GRIA4: variants seen among roughly 807,000 people sequenced by gnomAD.
GRIA4 encodes the protein glutamate ionotropic receptor AMPA type subunit 4.
A neutral mutation model predicts 104.0 loss-of-function variants in GRIA4; 34 were observed. The observed-to-expected ratio is 0.33, with a 90% confidence interval of 0.25 to 0.44. GRIA4 has a LOEUF of 0.44. GRIA4 is among the 20% of genes least tolerant of loss of function. GRIA4 has a pLI of 1.00. For synonymous variants in GRIA4, 386 were observed against 381.9 expected (o/e 1.01, Z -0.13); for missense variants, 750 against 1,096.5 (o/e 0.68, Z 4.46).
At chr11:105,722,061 C>T (rs1457195611) in intron 3 of GRIA4, among the ~76,000 whole-genome samples, 3 of 152,092 alleles carry the variant, frequency 2.0e-5, no homozygotes, top group Non-Finnish European at 2.9e-5. Context: ...TGTTCTCTTT[C>T]CTAATTTGAA....
rs1458378550 is a variant in GRIA4 at position 105,981,365 on chromosome 11, CCAAAGCCATG to C, written c.*1629_*1638del. 6.6e-6 allele frequency: 1 copy of C among 152,360 alleles called. No homozygotes were observed. Among genetic ancestry groups the C allele is most frequent in the Non-Finnish European group, 1.5e-5 (1 of 67,998 alleles). The allele number at this position is 152,360 out of a possible 1,614,324, so 9.4% of individuals were successfully genotyped here. A position where few individuals can be genotyped will look rare whatever the true frequency, so the allele number is the denominator to read the frequency against. ...AAGAGCCATATGAGTGAGCAGTGGC[CCAAAGCCATG>C]CACATCAGTGGCTCATTTAAGGAAT... On this transcript the variant is annotated 3_prime_UTR_variant, in exon 17 of 17. Transcript: ENST00000282499.
At chr11:105,968,137 A>C (rs1265931039) in intron 14 of GRIA4, among the ~76,000 whole-genome samples, 2 of 152,212 alleles carry the variant, frequency 1.3e-5, no homozygotes, top group African/African-American at 4.8e-5. Flanking sequence ...CTGACCTTCA[A>C]ATACAGAATC....
intron 4 of GRIA4, among the ~76,000 whole-genome samples, chr11:105,811,220 G>A (rs1331157283): frequency 2.0e-5 from 3 of 152,150 alleles, no homozygotes; most frequent in South Asian, 4.1e-4. Flanking sequence ...ACTGAGATTC[G>A]AGGGTAAGGA....
chr11:105,806,689 C>T (rs1037745159), intron 4 of GRIA4, among the ~76,000 whole-genome samples: 6 of 151,582 alleles, frequency 4.0e-5, no homozygotes, highest in African/African-American at 1.2e-4. Flanking sequence ...TTCTAGTGAG[C>T]TTTTTAGTGC....
chr11:105,675,547 C>T (rs1030818699), intron 3 of GRIA4, among the ~76,000 whole-genome samples: 1 of 151,748 alleles, frequency 6.6e-6, no homozygotes, highest in Non-Finnish European at 1.5e-5. Flanking sequence ...TCTCAGGTGT[C>T]ATATTGCTCC....
chr11:105,629,739 C>A (rs1950983767), intron 3 of GRIA4, among the ~76,000 whole-genome samples: 1 of 152,138 alleles, frequency 6.6e-6, no homozygotes, highest in Admixed American at 6.5e-5. Context: ...TCCAAAGGAA[C>A]AGATAAACTA....
At chr11:105,948,699 G>A (rs1344925596) in intron 14 of GRIA4, among the ~76,000 whole-genome samples, 1 of 147,398 alleles carries the variant, frequency 6.8e-6, no homozygotes, top group Non-Finnish European at 1.5e-5. Context: ...TCCGCCTCCC[G>A]GGTGCAAGCG....
intron 14 of GRIA4, among the ~76,000 whole-genome samples, chr11:105,938,404 C>T (rs554353027): frequency 2.8e-4 from 42 of 152,200 alleles, no homozygotes; most frequent in African/African-American, 9.9e-4. Context: ...ACTAGAAAAA[C>T]GTAAACGTAC....
chr11:105,755,884 GCCATCCAT>G (rs1565520756), intron 4 of GRIA4, among the ~76,000 whole-genome samples: 1 of 152,094 alleles, frequency 6.6e-6, no homozygotes, highest in African/African-American at 2.4e-5. Context: ...TGGTACTTAT[GCCATCCAT>G]CCTCTGAATT....
intron 3 of GRIA4, among the ~76,000 whole-genome samples, chr11:105,644,455 T>A (rs1472525274): frequency 1.4e-5 from 2 of 145,390 alleles, no homozygotes; most frequent in Admixed American, 6.8e-5. Flanking sequence ...AAAAAAAAAA[T>A]TAGCCTGGTG....
chr11:105,911,998 T>G (rs1947262977), intron 10 of GRIA4: 8 of 1,338,080 alleles, frequency 6.0e-6, no homozygotes, highest in Middle Eastern at 2.0e-4. Context: ...AGCTTATTTT[T>G]CATGTGGGAT....
chr11:105,821,550 G>A (rs1334581333), intron 4 of GRIA4, among the ~76,000 whole-genome samples: 1 of 151,702 alleles, frequency 6.6e-6, no homozygotes, highest in Non-Finnish European at 1.5e-5. Context: ...GAGAGAGGGC[G>A]GGGGAGGAAA....
intron 4 of GRIA4, 79 bp downstream of exon 4, chr11:105,753,299 G>A: frequency 7.5e-7 from 1 of 1,326,124 alleles, no homozygotes; most frequent in South Asian, 1.2e-5. Flanking sequence ...TCGGTTTTTA[G>A]CAAATTGTTT....
rs1954113284 is a variant in GRIA4, at chr11:105,716,954, A to C, written c.248-36027A>C. 2.0e-5 allele frequency among the ~76,000 whole-genome samples: 3 copies of C among 152,152 alleles called. No homozygotes were observed. The South Asian group carries it at 6.2e-4, about 31-fold the overall frequency. On this transcript the variant is annotated intron_variant, in intron 3 of 16. Transcript: ENST00000282499. ...AGTTGCTCTAATCCATAAAAAAAGA[A>C]AAAAGGAGAAACTGAGTCTTTGCCT...
intron 4 of GRIA4, among the ~76,000 whole-genome samples, chr11:105,783,616 A>C (rs951830714): frequency 6.6e-6 from 1 of 152,218 alleles, no homozygotes; most frequent in Non-Finnish European, 1.5e-5. Flanking sequence ...TTCCTAACAT[A>C]GTTGACATTT....
chr11:105,939,660 T>C (rs927733674), intron 14 of GRIA4, among the ~76,000 whole-genome samples: 1 of 152,202 alleles, frequency 6.6e-6, no homozygotes, highest in Non-Finnish European at 1.5e-5. Flanking sequence ...ATATGTCAGA[T>C]TAATTACTCT....
At chr11:105,657,405 T>G (rs1235836133) in intron 3 of GRIA4, among the ~76,000 whole-genome samples, 1 of 152,022 alleles carries the variant, frequency 6.6e-6, no homozygotes, top group Non-Finnish European at 1.5e-5. Context: ...TCTAAAAAGT[T>G]AATATATTAT....
At chr11:105,672,105 G>C (rs139830835) in intron 3 of GRIA4, among the ~76,000 whole-genome samples, 2 of 152,182 alleles carry the variant, frequency 1.3e-5, no homozygotes, top group African/African-American at 4.8e-5. Flanking sequence ...GTATGACATG[G>C]CACAAAATAG....
intron 14 of GRIA4, among the ~76,000 whole-genome samples, chr11:105,934,808 A>G (rs531366775): frequency 3.2e-4 from 48 of 152,294 alleles, no homozygotes; most frequent in African/African-American, 1.1e-3. Flanking sequence ...TCCTTAAGCA[A>G]TAAAGGCTGC....
Sources: gnomAD v4.1 joint callset for allele counts (sites outside exome capture counted in the v4.1 genomes callset) on GRCh38, gnomAD v4.1.1 for gene constraint, MANE v1.5 for transcripts, NCBI Gene and HGNC (gene_info 2026-07-23, HGNC 2026-07-21) for gene names.